CLDN10: variants seen among roughly 807,000 people sequenced by gnomAD.
The protein encoded by CLDN10 is claudin 10.
Under a neutral mutation model 22.9 loss-of-function variants are expected in CLDN10, and 15 were observed. That is an observed-to-expected ratio of 0.65 (90% CI 0.44 to 1.01). The LOEUF (loss-of-function observed/expected upper bound fraction) is 1.01. CLDN10 is among the 50% of genes least tolerant of loss of function. The probability of loss-of-function intolerance (pLI) is 0.00; values close to 1 mark genes in which losing one functional copy is unlikely to be tolerated. For missense variants in CLDN10, 247 were observed against 287.8 expected, an observed-to-expected ratio of 0.86 and a Z score of 1.03; for synonymous variants, 114 against 111.4, an observed-to-expected ratio of 1.02 and a Z score of -0.15.
intron 1 of CLDN10, among the ~76,000 whole-genome samples, chr13:95,532,664 C>CA (rs1168830338): frequency 6.6e-6 from 1 of 151,882 alleles, no homozygotes; most frequent in South Asian, 2.1e-4. Flanking sequence ...AACATGTTCA[C>CA]AAAAAAACTT....
chr13:95,542,871 T>C (rs1390853826), intron 1 of CLDN10, among the ~76,000 whole-genome samples: 1 of 151,948 alleles, frequency 6.6e-6, no homozygotes, highest in Non-Finnish European at 1.5e-5. Context: ...CAAATAATGG[T>C]AAAAACTCAC....
intron 1 of CLDN10, among the ~76,000 whole-genome samples, chr13:95,502,644 C>T (rs2042997620): frequency 1.3e-5 from 2 of 152,104 alleles, no homozygotes; most frequent in African/African-American, 4.8e-5. Context: ...CTTAGCCTCC[C>T]GACTAGCTGG....
intron 1 of CLDN10, among the ~76,000 whole-genome samples, chr13:95,477,774 G>A (rs563123775): frequency 1.3e-3 from 196 of 152,246 alleles, no homozygotes; most frequent in African/African-American, 4.6e-3. Context: ...ATCTGAATCT[G>A]CAACACCCTC....
chr13:95,449,052 C>T (rs1311972608), intron 1 of CLDN10, among the ~76,000 whole-genome samples: 6 of 151,958 alleles, frequency 3.9e-5, no homozygotes, highest in Non-Finnish European at 8.8e-5. Flanking sequence ...CTAAGCCATA[C>T]TCTAAATCAC....
intron 3 of CLDN10, among the ~76,000 whole-genome samples, chr13:95,563,390 T>C (rs1200431429): frequency 1.3e-5 from 2 of 152,114 alleles, no homozygotes; most frequent in African/African-American, 2.4e-5. Flanking sequence ...GGCTTAAAAA[T>C]ATAACACCTA....
intron 1 of CLDN10, among the ~76,000 whole-genome samples, chr13:95,516,121 T>C (rs1245116900): frequency 6.6e-6 from 1 of 151,962 alleles, no homozygotes; most frequent in African/African-American, 2.4e-5. Flanking sequence ...ATTTCAAAAT[T>C]ACATGTGCTA....
chr13:95,559,512 T>C (rs920775666), intron 1 of CLDN10, among the ~76,000 whole-genome samples: 1 of 152,172 alleles, frequency 6.6e-6, no homozygotes, highest in African/African-American at 2.4e-5. Context: ...CTGAAAACAA[T>C]AGTACTTCAC....
intron 1 of CLDN10, chr13:95,497,125 A>G (rs1217738606): frequency 1.4e-5 from 2 of 142,304 alleles, no homozygotes; most frequent in East Asian, 4.1e-4. Context: ...CAAAGGAAGC[A>G]CTAAAAAAAA....
At chr13:95,555,974 C>G (rs2043633839) in intron 1 of CLDN10, among the ~76,000 whole-genome samples, 1 of 152,068 alleles carries the variant, frequency 6.6e-6, no homozygotes, top group African/African-American at 2.4e-5. Context: ...AGAGAAGGCT[C>G]GTGACTCTTG....
chr13:95,530,892 A>T lies in CLDN10; in HGVS notation c.215-29240A>T, dbSNP rs186848963. ...TAGAAACACCTCTAGCCCTTCAACC[A>T]TATTAGACTCCAATGAGAAGAAACT... On this transcript the variant is annotated intron_variant, in intron 1 of 4. Transcript: ENST00000376873. Among the ~76,000 whole-genome samples, 153 of 151,876 alleles carry T rather than the reference A, an allele frequency of 1.0e-3. 1 individual carries two copies. The highest frequency in any genetic ancestry group is 9.8e-3 in the Admixed American group (150 of 15,240).
chr13:95,502,589 A>G (rs1480392834), intron 1 of CLDN10, among the ~76,000 whole-genome samples: 1 of 152,184 alleles, frequency 6.6e-6, no homozygotes, highest in African/African-American at 2.4e-5. Flanking sequence ...GCATGATCTC[A>G]GCTCACTGTA....
At chr13:95,523,849 CA>C (rs1266413527) in intron 1 of CLDN10, among the ~76,000 whole-genome samples, 1 of 152,122 alleles carries the variant, frequency 6.6e-6, no homozygotes, top group African/African-American at 2.4e-5. Context: ...CATTGTAGGA[CA>C]TTAAGCAGTT....
chr13:95,464,144 G>A (rs952807392), intron 1 of CLDN10, among the ~76,000 whole-genome samples: 9 of 151,392 alleles, frequency 5.9e-5, no homozygotes, highest in African/African-American at 1.9e-4. Context: ...GGGTACATGT[G>A]CACAACGTGC....
At chr13:95,525,148 ACTCCT>A (rs2043267890) in intron 1 of CLDN10, among the ~76,000 whole-genome samples, 1 of 151,558 alleles carries the variant, frequency 6.6e-6, no homozygotes, top group African/African-American at 2.4e-5. Flanking sequence ...ATGAGCCACC[ACTCCT>A]GGCCTATTTG....
chr13:95,518,702 T>C (rs1302616503), intron 1 of CLDN10, among the ~76,000 whole-genome samples: 3 of 152,070 alleles, frequency 2.0e-5, no homozygotes, highest in African/African-American at 7.2e-5. Flanking sequence ...GAGGTTGCAG[T>C]GAGCCAAGAT....
At chr13:95,478,080 C>A (rs925341882) in intron 1 of CLDN10, among the ~76,000 whole-genome samples, 1 of 151,932 alleles carries the variant, frequency 6.6e-6, no homozygotes, top group Non-Finnish European at 1.5e-5. Context: ...CTGAGGCTGG[C>A]AGATCACTTG....
chr13:95,445,095 A>T (rs946418551), intron 1 of CLDN10, among the ~76,000 whole-genome samples: 5 of 152,204 alleles, frequency 3.3e-5, no homozygotes, highest in Admixed American at 3.3e-4. Flanking sequence ...CCATCTGTTA[A>T]ATGGAAATGT....
chr13:95,443,531 C>T (rs374590016), intron 1 of CLDN10, among the ~76,000 whole-genome samples: 1 of 152,062 alleles, frequency 6.6e-6, no homozygotes, highest in Non-Finnish European at 1.5e-5. Context: ...GGAAGAACCA[C>T]GGTCATTCAG....
At position 95,568,195 on chromosome 13, in the gene CLDN10, G is replaced by T. The variant is rs141090929; in HGVS notation, c.464+7732G>T. ...GTTATTTGGAGGATGAACTAATGTT[G>T]GTAGTGATCTCACATATTCTCAGAT... On this transcript the variant is annotated intron_variant, in intron 3 of 4. Transcript: ENST00000299339. Among the ~76,000 whole-genome samples, 18 of 152,266 alleles carry T rather than the reference G, an allele frequency of 1.2e-4. No homozygotes were observed. The East Asian group carries it at 3.5e-3, about 29-fold the overall frequency.
Sources: allele counts gnomAD v4.1 joint callset (sites outside exome capture counted in the v4.1 genomes callset), GRCh38; gene constraint gnomAD v4.1.1; transcripts MANE v1.5; gene names NCBI Gene and HGNC (gene_info 2026-07-23, HGNC 2026-07-21).